TMEM200A: variants seen among roughly 807,000 people sequenced by gnomAD.
TMEM200A encodes the protein transmembrane protein 200A.
TMEM200A carries 12 observed loss-of-function variants against 24.3 expected under a neutral mutation model. The observed-to-expected ratio is 0.49, with a 90% CI of 0.32 to 0.80. The LOEUF is 0.80. TMEM200A is among the 30% of genes least tolerant of loss of function. The pLI, the probability that TMEM200A is intolerant of heterozygous loss-of-function variation, is 0.04. For missense variants in TMEM200A, 545 were observed against 614.4 expected (o/e 0.89, Z 1.19); for synonymous variants, 224 against 224.4 (o/e 1.00, Z 0.02).
intron 1 of TMEM200A, among the ~76,000 whole-genome samples, chr6:130,376,764 A>G (rs1554280265): frequency 6.6e-6 from 1 of 151,376 alleles, no homozygotes; most frequent in Non-Finnish European, 1.5e-5. Context: ...CCTCACATAC[A>G]TTTTTTTTTC....
At chr6:130,407,917 G>C (rs528590058) in intron 2 of TMEM200A, among the ~76,000 whole-genome samples, 79 of 152,250 alleles carry the variant, frequency 5.2e-4, no homozygotes, top group African/African-American at 1.8e-3. Context: ...TATGTAACAA[G>C]TATATTGATG....
intron 2 of TMEM200A, among the ~76,000 whole-genome samples, chr6:130,428,895 A>G (rs1779808614): frequency 6.6e-6 from 1 of 152,214 alleles, no homozygotes; most frequent in South Asian, 2.1e-4. Context: ...GCCTTCCTAC[A>G]TTCAAACAAC....
At position 130,439,848 on chromosome 6, in the gene TMEM200A, T is replaced by C. The variant is rs540063322; in HGVS notation, c.-16-559T>C. ...AGGAAGATGAAAATTGAGGGGGAAA[T>C]TAAATGTGGCAGCTAAGAATTCATT... On this transcript the variant is annotated intron_variant, in intron 2 of 2. Coordinates refer to ENST00000296978, the MANE Select transcript of TMEM200A (RefSeq NM_001258277.2). Among the ~76,000 whole-genome samples the C allele has an allele frequency of 1.2e-3, 185 of 151,958 alleles. 2 individuals carry two copies. The highest frequency in any genetic ancestry group is 4.1e-3 in the African/African-American group (169 of 41,450).
chr6:130,441,639 C>T lies in TMEM200A; in HGVS notation c.1217C>T (p.Thr406Ile), dbSNP rs1315412698. ...KSLDLDRGPS[T>I]LTVQAEQRKH... Reference sequence around the variant, plus strand: ...TTGGACTTAGACCGGGGTCCCTCCACTCTAACTGTTCAGGCAGAACAACGG... The same window carrying T: ...TTGGACTTAGACCGGGGTCCCTCCATTCTAACTGTTCAGGCAGAACAACGG... Residue 406 changes from threonine to isoleucine, a missense_variant, in exon 3 of 3, where the codon ACT becomes ATT. By Grantham distance (89) the Thr-to-Ile change is moderately conservative. Coordinates refer to ENST00000296978, the MANE Select transcript of TMEM200A (RefSeq NM_001258277.2). The T allele has an allele frequency of 9.9e-6, 16 of 1,613,960 alleles. No homozygotes were observed. Among genetic ancestry groups the T allele is most frequent in the Non-Finnish European group, 1.3e-5 (15 of 1,180,026 alleles).
chr6:130,367,810 G>A (rs1402424064), intron 1 of TMEM200A, among the ~76,000 whole-genome samples: 2 of 152,168 alleles, frequency 1.3e-5, no homozygotes, highest in Non-Finnish European at 2.9e-5. Context: ...AACACACACT[G>A]AGGTGTTTAG....
At chr6:130,423,022 A>T (rs150258858) in intron 2 of TMEM200A, among the ~76,000 whole-genome samples, 1 of 152,348 alleles carries the variant, frequency 6.6e-6, no homozygotes, top group Admixed American at 6.5e-5. Flanking sequence ...CAACAAAGTA[A>T]TTTGACTTTT....
At chr6:130,420,755 A>C (rs1294279349) in intron 2 of TMEM200A, among the ~76,000 whole-genome samples, 1 of 152,134 alleles carries the variant, frequency 6.6e-6, no homozygotes. Context: ...AACAACAAAA[A>C]ACGTTGTCCC....
chr6:130,435,009 T>TG (rs1375303092), intron 2 of TMEM200A, among the ~76,000 whole-genome samples: 6 of 151,932 alleles, frequency 3.9e-5, no homozygotes, highest in Non-Finnish European at 8.8e-5. Flanking sequence ...AATCTTGATG[T>TG]CTATTGCTTA....
intron 2 of TMEM200A, among the ~76,000 whole-genome samples, chr6:130,400,660 A>G (rs969641043): frequency 6.6e-6 from 1 of 151,932 alleles, no homozygotes; most frequent in African/African-American, 2.4e-5. Flanking sequence ...TTTCTTCACT[A>G]TAATTTTGTG....
upstream of TMEM200A, chr6:130,365,670 G>T (rs1778117830): frequency 2.0e-6 from 2 of 985,496 alleles, no homozygotes; most frequent in Admixed American, 1.2e-4. Flanking sequence ...ACGGGTGGGT[G>T]TGTCCGTTTC....
intron 2 of TMEM200A, among the ~76,000 whole-genome samples, chr6:130,408,120 C>T (rs1779247233): frequency 6.6e-6 from 1 of 152,088 alleles, no homozygotes. Context: ...AATAAAAGTG[C>T]CCCGTAGTGC....
intron 2 of TMEM200A, among the ~76,000 whole-genome samples, chr6:130,415,866 A>G (rs1231581357): frequency 6.6e-6 from 1 of 152,226 alleles, no homozygotes; most frequent in Non-Finnish European, 1.5e-5. Context: ...GTCATTTGAA[A>G]ATCAAACTAG....
chr6:130,426,167 G>A (rs973539037), intron 2 of TMEM200A, among the ~76,000 whole-genome samples: 2 of 152,132 alleles, frequency 1.3e-5, no homozygotes, highest in African/African-American at 4.8e-5. Context: ...AGAGTAGACA[G>A]GGAAAAGCCA....
chr6:130,442,851 T>C lies in TMEM200A; in HGVS notation c.*953T>C, dbSNP rs983927840. On this transcript the variant is annotated 3_prime_UTR_variant, in exon 3 of 3. Transcript: ENST00000296978. ...TTAGATCCTAGTATTTGGAAAACAA[T>C]CGGCTAACCTTGACATTTCTTTTTA... The C allele has an allele frequency of 6.0e-6, 1 of 167,020 alleles. No individual in the cohort carries two copies. The highest frequency in any genetic ancestry group is 6.5e-5 in the Admixed American group (1 of 15,278). The allele number at this position is 167,020 out of a possible 1,614,324, so 10.3% of individuals were successfully genotyped here. A position where few individuals can be genotyped will look rare whatever the true frequency, so the allele number is the denominator to read the frequency against.
chr6:130,422,575 C>T (rs1242146372), intron 2 of TMEM200A, among the ~76,000 whole-genome samples: 1 of 152,098 alleles, frequency 6.6e-6, no homozygotes, highest in Non-Finnish European at 1.5e-5. Flanking sequence ...CCTTATTGTA[C>T]TTTTTAATGT....
rs191035417 is a variant in TMEM200A, at chr6:130,388,856, A to G, written c.-17+3620A>G. Among the ~76,000 whole-genome samples the G allele has an allele frequency of 6.7e-4, 102 of 152,346 alleles. 2 individuals carry two copies. The highest frequency in any genetic ancestry group is 9.4e-4 in the Non-Finnish European group (64 of 68,030). ...GTGTGTTTATAAAATCACCTAACTC[A>G]TGACATTTGGCACATCAGCAAGTAG... On this transcript the variant is annotated intron_variant, in intron 2 of 2. Coordinates refer to ENST00000296978, the MANE Select transcript of TMEM200A (RefSeq NM_001258277.2).
chr6:130,415,345 C>G (rs1020638460), intron 2 of TMEM200A, among the ~76,000 whole-genome samples: 8 of 152,014 alleles, frequency 5.3e-5, no homozygotes, highest in African/African-American at 1.5e-4. Context: ...TCCTGTGTAC[C>G]CTGTGAGACT....
chr6:130,416,253 A>C (rs1562565028), intron 2 of TMEM200A, among the ~76,000 whole-genome samples: 1 of 152,118 alleles, frequency 6.6e-6, no homozygotes, highest in Non-Finnish European at 1.5e-5. Context: ...ATTATGATTC[A>C]TAGTCACTAA....
At chr6:130,423,708 A>G (rs887490067) in intron 2 of TMEM200A, among the ~76,000 whole-genome samples, 6 of 152,118 alleles carry the variant, frequency 3.9e-5, no homozygotes, top group Admixed American at 3.3e-4. Flanking sequence ...AGATGATCCA[A>G]TCTATAGCAA....
Sources: gnomAD v4.1 joint callset for allele counts (sites outside exome capture counted in the v4.1 genomes callset) on GRCh38, gnomAD v4.1.1 for gene constraint, MANE v1.5 for transcripts, NCBI Gene and HGNC (gene_info 2026-07-23, HGNC 2026-07-21) for gene names.